The following RIC1 variants were observed in gnomAD, a reference collection of about 807,000 sequenced individuals.
RIC1 encodes the protein guanine nucleotide exchange factor subunit RIC1.
In RIC1, 88 loss-of-function variants were observed where a neutral mutation model predicts 169.0. The observed-to-expected ratio is 0.52, with a 90% CI of 0.44 to 0.62. RIC1 has a LOEUF of 0.62. Ranked by LOEUF, RIC1 falls within the 20% of genes least tolerant of loss-of-function variation. The pLI, the probability that RIC1 is intolerant of heterozygous loss-of-function variation, is 0.00. For missense variants in RIC1, 1,877 were observed against 1,725.5 expected, an observed-to-expected ratio of 1.09 and a Z score of -1.56; for synonymous variants, 790 against 601.5, an observed-to-expected ratio of 1.31 and a Z score of -4.59.
At chr9:5,751,368 G>T (rs1427979708) in intron 12 of RIC1, among the ~76,000 whole-genome samples, 1 of 151,540 alleles carries the variant, frequency 6.6e-6, no homozygotes, top group Non-Finnish European at 1.5e-5. Flanking sequence ...GGGTCTGGGG[G>T]GCAGGGAGAC....
intron 3 of RIC1, among the ~76,000 whole-genome samples, chr9:5,691,706 G>T (rs1821599413): frequency 6.6e-6 from 1 of 151,866 alleles, no homozygotes; most frequent in African/African-American, 2.4e-5. Flanking sequence ...ATTTACTGGT[G>T]CATTTTAAAC....
In RIC1 at chr9:5,772,712, A is replaced by T; in HGVS notation, c.3765A>T (p.Lys1255Asn). The T allele has an allele frequency of 6.2e-7, 1 of 1,609,436 alleles. No homozygotes were observed. The highest frequency in any genetic ancestry group is 1.1e-5 in the South Asian group (1 of 89,824). Reference protein sequence around the residue: ...LEHISMELASKGPHKSQVQLR... With the variant: ...LEHISMELASNGPHKSQVQLR... Reference sequence around the variant, plus strand: ...ACATTTCCATGGAGTTGGCCAGTAAAGGGCCTCATAAATCCCAGGTCCAGC... The same window carrying T: ...ACATTTCCATGGAGTTGGCCAGTAATGGGCCTCATAAATCCCAGGTCCAGC... Residue 1255 changes from lysine to asparagine, a missense_variant, in exon 24 of 26, where the codon AAA (lysine) becomes AAT (asparagine). This residue lies in a region of RIC1 where 681 missense variants were observed against 582.0 expected (regional missense o/e 1.17). Transcript: ENST00000414202.
chr9:5,703,022 C>T (rs534693965), intron 3 of RIC1, among the ~76,000 whole-genome samples: 10 of 152,102 alleles, frequency 6.6e-5, no homozygotes, highest in Non-Finnish European at 8.8e-5. Flanking sequence ...CCATGTAATT[C>T]CACCCTTGTC....
At position 5,694,777 on chromosome 9, in the gene RIC1, C is replaced by G. The variant is rs73392670; in HGVS notation, c.332+4739C>G. Among the ~76,000 whole-genome samples, 455 of 137,128 alleles carry G rather than the reference C, an allele frequency of 3.3e-3. 1 individual carries two copies. The highest frequency in any genetic ancestry group is 0.011 in the African/African-American group (431 of 40,006). 90.0% of individuals were successfully genotyped at this position (137,128 alleles called of 152,430 possible). A position where few individuals can be genotyped will look rare whatever the true frequency, so the allele number is the denominator to read the frequency against. On this transcript the variant is annotated intron_variant, in intron 3 of 25. Transcript: ENST00000414202. ...AATGTGTGATAATATAAACGATAAGCAGTTTTGGTTTTTGGTGGCTTTTTT... is the reference window on the plus strand; with the variant it reads ...AATGTGTGATAATATAAACGATAAGGAGTTTTGGTTTTTGGTGGCTTTTTT...
At chr9:5,727,479 C>T (rs934920119) in intron 6 of RIC1, among the ~76,000 whole-genome samples, 3 of 152,106 alleles carry the variant, frequency 2.0e-5, no homozygotes, top group African/African-American at 7.2e-5. Flanking sequence ...GCAATGGGTT[C>T]GAGCATCCTT....
At chr9:5,732,536 T>G in intron 7 of RIC1, 57 bp downstream of exon 7, 1 of 1,133,708 alleles carries the variant, frequency 8.8e-7, no homozygotes, top group Non-Finnish European at 1.3e-6. Context: ...ATACTGGTTT[T>G]TTTTTTTGTA....
At chr9:5,691,958 C>T (rs1821612878) in intron 3 of RIC1, among the ~76,000 whole-genome samples, 1 of 151,978 alleles carries the variant, frequency 6.6e-6, no homozygotes, top group South Asian at 2.1e-4. Context: ...TTTTAAGAAA[C>T]AGTTTCTTTC....
intron 1 of RIC1, among the ~76,000 whole-genome samples, chr9:5,646,142 A>G (rs1818499357): frequency 6.6e-6 from 1 of 151,916 alleles, no homozygotes; most frequent in African/African-American, 2.4e-5. Flanking sequence ...GTGGTATGTC[A>G]TGGTTTTGGT....
chr9:5,717,753 G>C (rs983771388), intron 4 of RIC1, among the ~76,000 whole-genome samples: 2 of 151,716 alleles, frequency 1.3e-5, no homozygotes, highest in African/African-American at 4.9e-5. Flanking sequence ...GCTGAGGCAG[G>C]AGAATCCCGG....
At chr9:5,740,867 C>G (rs897353404) in intron 8 of RIC1, among the ~76,000 whole-genome samples, 1 of 152,096 alleles carries the variant, frequency 6.6e-6, no homozygotes, top group Non-Finnish European at 1.5e-5. Context: ...TTAACCATCA[C>G]AATTAGGATA....
At chr9:5,765,322 T>A in intron 19 of RIC1, 92 bp from the exon 20 acceptor site, 3 of 1,377,592 alleles carry the variant, frequency 2.2e-6, no homozygotes, top group Non-Finnish European at 3.0e-6. Flanking sequence ...TGTGGCTACA[T>A]TCTTTGAGTT....
chr9:5,651,059 T>C (rs969250399), intron 1 of RIC1, among the ~76,000 whole-genome samples: 1 of 152,146 alleles, frequency 6.6e-6, no homozygotes, highest in Non-Finnish European at 1.5e-5. Flanking sequence ...GTGTGAGCTC[T>C]CTCTCTGGAG....
At chr9:5,705,836 G>A (rs139358152) in intron 3 of RIC1, among the ~76,000 whole-genome samples, 3 of 151,902 alleles carry the variant, frequency 2.0e-5, no homozygotes, top group African/African-American at 7.3e-5. Context: ...CATTTGTTGA[G>A]TGTTTTTATC....
downstream of RIC1, among the ~76,000 whole-genome samples, chr9:5,778,017 A>C (rs1827676812): frequency 6.6e-6 from 1 of 152,186 alleles, no homozygotes; most frequent in Non-Finnish European, 1.5e-5. Context: ...GGATTTTCAT[A>C]AGCGTTGTAT....
intron 3 of RIC1, among the ~76,000 whole-genome samples, chr9:5,697,180 G>T (rs565074500): frequency 2.0e-5 from 3 of 152,178 alleles, no homozygotes; most frequent in African/African-American, 7.2e-5. Context: ...CTGGTGCTCT[G>T]CTTCACAAAT....
At chr9:5,700,459 G>A (rs1043108512) in intron 3 of RIC1, among the ~76,000 whole-genome samples, 1 of 151,934 alleles carries the variant, frequency 6.6e-6, no homozygotes, top group Non-Finnish European at 1.5e-5. Context: ...AATAACTGTA[G>A]CTCAAACTTT....
chr9:5,678,880 T>G (rs1476019181), intron 2 of RIC1, among the ~76,000 whole-genome samples: 1 of 152,154 alleles, frequency 6.6e-6, no homozygotes, highest in East Asian at 1.9e-4. Context: ...TGGCTTTTGT[T>G]GCCATTGCTT....
intron 4 of RIC1, among the ~76,000 whole-genome samples, chr9:5,715,352 A>G (rs2130836713): frequency 6.6e-6 from 1 of 152,278 alleles, no homozygotes; most frequent in Non-Finnish European, 1.5e-5. Context: ...GCCAAAAAGA[A>G]AAAAAAACAA....
At chr9:5,640,204 CT>C (rs1818171543) in intron 1 of RIC1, among the ~76,000 whole-genome samples, 1 of 152,058 alleles carries the variant, frequency 6.6e-6, no homozygotes, top group African/African-American at 2.4e-5. Flanking sequence ...GATTTAATTT[CT>C]TGCTTTTTAT....
Sources: allele counts gnomAD v4.1 joint callset (sites outside exome capture counted in the v4.1 genomes callset), GRCh38; gene constraint gnomAD v4.1.1; regional missense constraint gnomAD v4.1.1; transcripts MANE v1.5; gene names NCBI Gene and HGNC (gene_info 2026-07-23, HGNC 2026-07-21).